The following IRF2 variants were observed in gnomAD, a reference collection of about 807,000 sequenced individuals.
The protein encoded by IRF2 is interferon regulatory factor 2.
Under a neutral mutation model 40.6 loss-of-function variants are expected in IRF2, and 15 were observed. That is an observed-to-expected ratio of 0.37 (90% CI 0.25 to 0.57). IRF2 has a LOEUF of 0.57. Ranked by LOEUF, IRF2 falls within the 20% of genes least tolerant of loss-of-function variation. The pLI, the probability that IRF2 is intolerant of heterozygous loss-of-function variation, is 0.77. For missense variants in IRF2, 317 were observed against 455.7 expected (o/e 0.70, Z 2.77); for synonymous variants, 151 against 165.5 (o/e 0.91, Z 0.67).
At chr4:184,438,848 G>A (rs959566180) in intron 1 of IRF2, among the ~76,000 whole-genome samples, 1 of 152,172 alleles carries the variant, frequency 6.6e-6, no homozygotes, top group African/African-American at 2.4e-5. Flanking sequence ...CCCCCTATAT[G>A]AGAGAGGAAG....
chr4:184,408,077 T>G lies in IRF2; in HGVS notation c.529+81A>C. ...AGACCTCCTCCCACTGACTATGTTA[T>G]TTGAAGTTCTCTGTTTTACAAATTT... On this transcript the variant is annotated intron_variant, in intron 6 of 8. Coordinates refer to ENST00000393593, the MANE Select transcript of IRF2 (RefSeq NM_002199.4). This position sits in a 1 kb window ranked among gnomAD's most constrained non-coding sequence, Gnocchi z 4.9. 1.3e-6 allele frequency: 1 copy of G among 780,490 alleles called. No homozygotes were observed. The highest frequency in any genetic ancestry group is 1.5e-5 in the South Asian group (1 of 65,032). 48.3% of individuals were successfully genotyped at this position (780,490 alleles called of 1,614,324 possible). A position where few individuals can be genotyped will look rare whatever the true frequency, so the allele number is the denominator to read the frequency against.
intron 8 of IRF2, 68 bp from the exon 9 acceptor site, chr4:184,389,134 C>A: frequency 6.7e-7 from 1 of 1,495,616 alleles, no homozygotes. Flanking sequence ...AAAAATGCAT[C>A]ACTGGCCAGG....
intron 1 of IRF2, among the ~76,000 whole-genome samples, chr4:184,470,517 C>T (rs1278020753): frequency 1.3e-5 from 2 of 151,928 alleles, no homozygotes; most frequent in Non-Finnish European, 2.9e-5. Context: ...CCCGTCTCTA[C>T]TAAAAATACA....
At chr4:184,434,854 A>G (rs770975248) in intron 1 of IRF2, among the ~76,000 whole-genome samples, 9 of 152,190 alleles carry the variant, frequency 5.9e-5, no homozygotes, top group Non-Finnish European at 1.0e-4. Context: ...AACGGTTACC[A>G]TTTACAGAGC....
intron 6 of IRF2, among the ~76,000 whole-genome samples, chr4:184,401,283 A>G (rs140360953): frequency 2.0e-5 from 3 of 152,344 alleles, no homozygotes; most frequent in African/African-American, 7.2e-5. Context: ...TGACAAGCAC[A>G]TTATCTGATT....
intron 5 of IRF2, among the ~76,000 whole-genome samples, chr4:184,409,782 T>C (rs533777158): frequency 2.1e-4 from 32 of 151,962 alleles, no homozygotes; most frequent in African/African-American, 6.3e-4. Flanking sequence ...TTGTCCTGGA[T>C]ACTTGGGAGG....
intron 1 of IRF2, among the ~76,000 whole-genome samples, chr4:184,463,784 A>AT (rs1404853854): frequency 6.6e-6 from 1 of 152,124 alleles, no homozygotes; most frequent in Non-Finnish European, 1.5e-5. Context: ...CTATTCTAAT[A>AT]TTTTTTCAGA....
intron 5 of IRF2, among the ~76,000 whole-genome samples, chr4:184,412,019 A>G (rs1177367438): frequency 6.8e-6 from 1 of 146,300 alleles, no homozygotes; most frequent in African/African-American, 2.4e-5. Context: ...AAAAAAAAAA[A>G]AAAAAAAAAA....
intron 1 of IRF2, among the ~76,000 whole-genome samples, chr4:184,470,572 TC>T (rs1739477081): frequency 1.3e-5 from 2 of 151,244 alleles, no homozygotes; most frequent in Non-Finnish European, 1.5e-5. Flanking sequence ...ACACCTGTAG[TC>T]CCAACTACTC....
Position 184,408,550 on chromosome 4 carries a change from A to G in IRF2, c.412-275T>C, listed in dbSNP as rs59558724. On this transcript the variant is annotated intron_variant, in intron 5 of 8. Coordinates refer to ENST00000393593, the MANE Select transcript of IRF2 (RefSeq NM_002199.4). The surrounding 1 kb of genome is among the most constrained non-coding windows in gnomAD (Gnocchi z 4.9). ...TAGGAAATGCTTCCACCTGCAGACA[A>G]TAGCTTTGGGGCTACGCAGAGCTGC... 0.026 allele frequency among the ~76,000 whole-genome samples: 3,985 copies of G among 152,284 alleles called. 173 individuals carry two copies. The highest frequency in any genetic ancestry group is 0.092 in the African/African-American group (3,811 of 41,550).
Position 184,419,571 on chromosome 4 carries a change from G to GAAAAA in IRF2, c.88-8_88-4dup, listed in dbSNP as rs70959195. ...GGGATCTGAAAAATCTTCTTTTCCTGAAAAAAAAAAAAAAAAAAAAGGTAA... is the reference window on the plus strand; with the variant it reads ...GGGATCTGAAAAATCTTCTTTTCCTGAAAAAAAAAAAAAAAAAAAAAAAAAGGTAA... On this transcript the variant is annotated splice_polypyrimidine_tract_variant and splice_region_variant and intron_variant, in intron 2 of 8. Transcript: ENST00000393593. 1,248 of 911,214 alleles carry GAAAAA rather than the reference G, an allele frequency of 1.4e-3. 4 individuals are homozygous for GAAAAA. Among genetic ancestry groups the GAAAAA allele is most frequent in the Admixed American group, 3.1e-3 (115 of 36,646 alleles). The allele number at this position is 911,214 out of a possible 1,614,324, so 56.4% of individuals were successfully genotyped here.
rs1055391996 is a variant in IRF2 at position 184,390,710 on chromosome 4, C to T, written c.734G>A (p.Ser245Asn). The T allele has an allele frequency of 6.2e-7, 1 of 1,614,094 alleles. No individual in the cohort carries two copies. Among genetic ancestry groups the T allele is most frequent in the African/African-American group, 1.3e-5 (1 of 74,928 alleles). Residue 245 changes from serine (S) to asparagine (N), a missense_variant, in exon 8 of 9, where the codon AGT becomes AAT. Ser to Asn is a conservative substitution (Grantham distance 46). Transcript: ENST00000393593. ...TTDSVPSDEESAEGRPHWRKR... is the reference protein window; with the variant it reads ...TTDSVPSDEENAEGRPHWRKR... ...GGCTGGGCAGTGGCTTACCTCGGCA[C>T]TCTCTTCATCGCTGGGCACACTATC... is the stretch of plus-strand genomic sequence containing the variant.
At chr4:184,467,778 G>C (rs1000290779) in intron 1 of IRF2, among the ~76,000 whole-genome samples, 1 of 152,180 alleles carries the variant, frequency 6.6e-6, no homozygotes, top group Non-Finnish European at 1.5e-5. Context: ...AGGTGTGCGA[G>C]TATCAAATGC....
At chr4:184,440,754 G>A (rs1738274790) in intron 1 of IRF2, among the ~76,000 whole-genome samples, 1 of 152,208 alleles carries the variant, frequency 6.6e-6, no homozygotes, top group Non-Finnish European at 1.5e-5. Flanking sequence ...CTTTCTGAAT[G>A]TCTACCTCGC....
In IRF2 at chr4:184,448,151, G is replaced by A. The variant is rs1421524194; in HGVS notation, c.-6-19081C>T. Among the ~76,000 whole-genome samples, 3 of 152,182 alleles carry A rather than the reference G, an allele frequency of 2.0e-5. No individual in the cohort carries two copies. The highest frequency in any genetic ancestry group is 4.8e-5 in the African/African-American group (2 of 41,434). On this transcript the variant is annotated intron_variant, in intron 1 of 8. Coordinates refer to ENST00000393593, the MANE Select transcript of IRF2 (RefSeq NM_002199.4). This position sits in a 1 kb window ranked among gnomAD's most constrained non-coding sequence, Gnocchi z 4.3. ...GTCTGAAATTAGCTCAAAAGAAAAC[G>A]ACTTGGCCAGAAAGACAATACCAAG...
At chr4:184,427,290 C>G (rs1737707792) in intron 2 of IRF2, among the ~76,000 whole-genome samples, 2 of 152,352 alleles carry the variant, frequency 1.3e-5, no homozygotes, top group Non-Finnish European at 2.9e-5. Context: ...ATGGTTTCTT[C>G]ATTTCTATTT....
At chr4:184,433,274 C>T (rs1020124271) in intron 1 of IRF2, among the ~76,000 whole-genome samples, 22 of 152,210 alleles carry the variant, frequency 1.4e-4, no homozygotes, top group African/African-American at 5.3e-4. Context: ...TGGTCTGCAT[C>T]TCTGACAAGC....
chr4:184,418,358 T>G (rs1579831748), intron 4 of IRF2, 145 bp from the exon 5 acceptor site: 1 of 945,282 alleles, frequency 1.1e-6, no homozygotes, highest in East Asian at 2.4e-5. Flanking sequence ...TATCTTTCAC[T>G]GCCTCTGGTG....
intron 5 of IRF2, among the ~76,000 whole-genome samples, chr4:184,412,993 TG>T (rs958741647): frequency 6.6e-6 from 1 of 152,162 alleles, no homozygotes; most frequent in Non-Finnish European, 1.5e-5. Context: ...AAAGGCAGCA[TG>T]TCCAAAGCGA....
Sources: allele counts gnomAD v4.1 joint callset (sites outside exome capture counted in the v4.1 genomes callset), GRCh38; gene constraint gnomAD v4.1.1; non-coding constraint Gnocchi (gnomAD v3.1); transcripts MANE v1.5; gene names NCBI Gene and HGNC (gene_info 2026-07-23, HGNC 2026-07-21).